LHFPL3: variants seen among roughly 807,000 people sequenced by gnomAD.
LHFPL3 encodes LHFPL tetraspan subfamily member 3 protein.
A neutral mutation model predicts 19.3 loss-of-function variants in LHFPL3; 5 were observed. The ratio of observed to expected loss-of-function variants is 0.26; its 90% CI spans 0.14 to 0.54. The LOEUF (loss-of-function observed/expected upper bound fraction) is 0.54, where lower values mean the gene tolerates loss of function less well. Ranked by LOEUF, LHFPL3 falls within the 20% of genes least tolerant of loss-of-function variation. LHFPL3 has a pLI of 0.94. For missense variants in LHFPL3, 249 were observed against 307.4 expected, an observed-to-expected ratio of 0.81 and a Z score of 1.42; for synonymous variants, 133 against 126.2, an observed-to-expected ratio of 1.05 and a Z score of -0.36.
chr7:104,561,243 C>G (rs1261299796), intron 1 of LHFPL3, among the ~76,000 whole-genome samples: 1 of 148,796 alleles, frequency 6.7e-6, no homozygotes, highest in Non-Finnish European at 1.5e-5. Flanking sequence ...TCCTTGTTGA[C>G]TTCCTGTCTC....
intron 2 of LHFPL3, among the ~76,000 whole-genome samples, chr7:104,737,481 G>A (rs1459953218): frequency 6.6e-6 from 1 of 152,160 alleles, no homozygotes; most frequent in Admixed American, 6.6e-5. Context: ...CGTATCAAAA[G>A]TCCTCAGATT....
At chr7:104,640,820 C>T (rs1791819127) in intron 1 of LHFPL3, among the ~76,000 whole-genome samples, 1 of 152,060 alleles carries the variant, frequency 6.6e-6, no homozygotes, top group Non-Finnish European at 1.5e-5. Context: ...TTCCTTATTC[C>T]CTAAATAAGG....
intron 2 of LHFPL3, among the ~76,000 whole-genome samples, chr7:104,761,496 CCT>C (rs1335555987): frequency 6.6e-6 from 1 of 152,116 alleles, no homozygotes; most frequent in Non-Finnish European, 1.5e-5. Flanking sequence ...AAAGCTTCCC[CCT>C]GTCGTTTGCC....
intron 2 of LHFPL3, among the ~76,000 whole-genome samples, chr7:104,873,674 A>G (rs1791878962): frequency 6.6e-6 from 1 of 152,174 alleles, no homozygotes; most frequent in Non-Finnish European, 1.5e-5. Context: ...TAATGTTTAA[A>G]CTCTGATTTT....
At chr7:104,627,953 A>G (rs774347651) in intron 1 of LHFPL3, among the ~76,000 whole-genome samples, 5 of 152,238 alleles carry the variant, frequency 3.3e-5, no homozygotes, top group Admixed American at 6.5e-5. Flanking sequence ...TGCTCTTGCA[A>G]TAAAGCAAAT....
In LHFPL3 at chr7:104,898,866, C is replaced by G. The variant is rs563120342; in HGVS notation, c.683-7321C>G. ...GCATGATGGCTCATGCCTATAATCTCAGCACTTCGGGAGGCTGAGGCAGGC... is the reference window on the plus strand; with the variant it reads ...GCATGATGGCTCATGCCTATAATCTGAGCACTTCGGGAGGCTGAGGCAGGC... On this transcript the variant is annotated intron_variant, in intron 2 of 2. Coordinates refer to ENST00000424859, the MANE Select transcript of LHFPL3 (RefSeq NM_199000.3). 1.4e-3 allele frequency among the ~76,000 whole-genome samples: 217 copies of G among 152,196 alleles called. 1 individual carries two copies. Among genetic ancestry groups the G allele is most frequent in the African/African-American group, 4.5e-3 (186 of 41,536 alleles).
At chr7:104,739,084 C>A (rs1221930766) in intron 2 of LHFPL3, 2 of 152,058 alleles carry the variant, frequency 1.3e-5, no homozygotes, top group African/African-American at 4.8e-5. Flanking sequence ...AATTGAAATT[C>A]CTTAATCTCA....
At chr7:104,404,536 C>T (rs981818133) in intron 1 of LHFPL3, among the ~76,000 whole-genome samples, 5 of 152,114 alleles carry the variant, frequency 3.3e-5, no homozygotes, top group African/African-American at 1.2e-4. Flanking sequence ...GGCTTGAGAA[C>T]CAAGGTTACT....
In LHFPL3 at chr7:104,506,251, C is replaced by A. The variant is rs111945926; in HGVS notation, c.445+177027C>A. 2.7e-3 allele frequency among the ~76,000 whole-genome samples: 413 copies of A among 152,126 alleles called. 2 individuals carry two copies. The highest frequency in any genetic ancestry group is 9.5e-3 in the African/African-American group (396 of 41,500). On this transcript the variant is annotated intron_variant, in intron 1 of 2. Coordinates refer to ENST00000424859, the MANE Select transcript of LHFPL3 (RefSeq NM_199000.3). The stretch of plus-strand genomic sequence containing the variant: ...AAGGAAATCCCCGCCCCCGCTGCCC[C>A]CACCCAACCCCACCGCCGCAATACC...
At chr7:104,529,331 G>T (rs1352120522) in intron 1 of LHFPL3, among the ~76,000 whole-genome samples, 1 of 152,094 alleles carries the variant, frequency 6.6e-6, no homozygotes, top group Admixed American at 6.6e-5. Context: ...TTCATCTCTT[G>T]CTACTTCTTG....
At chr7:104,774,313 G>A (rs1425006708) in intron 2 of LHFPL3, among the ~76,000 whole-genome samples, 1 of 152,198 alleles carries the variant, frequency 6.6e-6, no homozygotes, top group Non-Finnish European at 1.5e-5. Context: ...TTCCAGGCAT[G>A]GTTCTAAGTC....
At chr7:104,447,139 C>T (rs959158752) in intron 1 of LHFPL3, among the ~76,000 whole-genome samples, 4 of 152,104 alleles carry the variant, frequency 2.6e-5, no homozygotes, top group Admixed American at 2.6e-4. Context: ...CCCATTTATA[C>T]AATTCTTTTT....
chr7:104,618,487 T>A (rs1206052617), intron 1 of LHFPL3, among the ~76,000 whole-genome samples: 2 of 152,046 alleles, frequency 1.3e-5, no homozygotes, highest in Non-Finnish European at 2.9e-5. Context: ...GGCTCTGGAG[T>A]CCACATTCTT....
chr7:104,392,725 T>C (rs371692134), intron 1 of LHFPL3, among the ~76,000 whole-genome samples: 10,901 of 151,982 alleles, frequency 0.072, 436 homozygotes, highest in East Asian at 0.16. Context: ...AGGATTCCCT[T>C]TTTTTCTATT....
chr7:104,448,136 A>C (rs1792366638), intron 1 of LHFPL3, among the ~76,000 whole-genome samples: 1 of 152,222 alleles, frequency 6.6e-6, no homozygotes, highest in Non-Finnish European at 1.5e-5. Context: ...TCATGGATAT[A>C]GCTTCTATTA....
intron 2 of LHFPL3, among the ~76,000 whole-genome samples, chr7:104,765,103 G>A (rs914230483): frequency 1.3e-5 from 2 of 152,170 alleles, no homozygotes; most frequent in Non-Finnish European, 2.9e-5. Context: ...AACAAAAGAT[G>A]ACACTTTGTT....
At chr7:104,687,818 A>G (rs978492613) in intron 1 of LHFPL3, among the ~76,000 whole-genome samples, 1 of 152,214 alleles carries the variant, frequency 6.6e-6, no homozygotes, top group Non-Finnish European at 1.5e-5. Flanking sequence ...ACCTCCAGAG[A>G]AAAGGGGAAT....
chr7:104,572,688 T>C (rs1361155216), intron 1 of LHFPL3, among the ~76,000 whole-genome samples: 1 of 152,202 alleles, frequency 6.6e-6, no homozygotes, highest in Non-Finnish European at 1.5e-5. Flanking sequence ...AATGCTCTGC[T>C]TTTAAGGGTT....
intron 1 of LHFPL3, among the ~76,000 whole-genome samples, chr7:104,618,505 A>G (rs1014547255): frequency 9.2e-5 from 14 of 152,296 alleles, no homozygotes; most frequent in African/African-American, 3.4e-4. Context: ...CTTAAATACC[A>G]TGCTTTGCTG....
Sources: allele counts gnomAD v4.1 joint callset (sites outside exome capture counted in the v4.1 genomes callset), GRCh38; gene constraint gnomAD v4.1.1; transcripts MANE v1.5; gene names NCBI Gene and HGNC (gene_info 2026-07-23, HGNC 2026-07-21).